EXOC6B: variants seen among roughly 807,000 people sequenced by gnomAD.
The protein encoded by EXOC6B is SEC15 homolog B.
EXOC6B carries 54 observed loss-of-function variants against 113.5 expected under a neutral mutation model. That is an observed-to-expected ratio of 0.48 (90% confidence interval 0.38 to 0.60). The LOEUF (loss-of-function observed/expected upper bound fraction) is 0.60. EXOC6B is among the 20% of genes least tolerant of loss of function. The probability of loss-of-function intolerance (pLI) is 0.00; values close to 1 mark genes in which losing one functional copy is unlikely to be tolerated. For missense variants in EXOC6B, 797 were observed against 977.5 expected (o/e 0.82, Z 2.46); for synonymous variants, 357 against 339.0 (o/e 1.05, Z -0.58).
chr2:72,332,140 CTCT>C (rs1416528563), intron 20 of EXOC6B, among the ~76,000 whole-genome samples: 1 of 151,976 alleles, frequency 6.6e-6, no homozygotes, highest in Non-Finnish European at 1.5e-5. Flanking sequence ...GGGGCAGATC[CTCT>C]TCTTACATGA....
At chr2:72,492,064 T>C (rs997807548) in intron 16 of EXOC6B, among the ~76,000 whole-genome samples, 54 of 152,268 alleles carry the variant, frequency 3.5e-4, no homozygotes, top group African/African-American at 1.2e-3. Context: ...CAGAAATGTA[T>C]TCTAACAACT....
chr2:72,780,073 G>A (rs1683934365), intron 1 of EXOC6B, among the ~76,000 whole-genome samples: 1 of 152,230 alleles, frequency 6.6e-6, no homozygotes, highest in South Asian at 2.1e-4. Flanking sequence ...TTCACACTGA[G>A]TTTCTGTCAC....
At chr2:72,502,442 T>A (rs148545229) in intron 11 of EXOC6B, among the ~76,000 whole-genome samples, 2 of 152,022 alleles carry the variant, frequency 1.3e-5, no homozygotes, top group Admixed American at 1.3e-4. Context: ...CAGCTACTCA[T>A]GAGGCTGAGG....
At chr2:72,582,409 C>T (rs1057502007) in intron 6 of EXOC6B, among the ~76,000 whole-genome samples, 1 of 152,014 alleles carries the variant, frequency 6.6e-6, no homozygotes, top group African/African-American at 2.4e-5. Flanking sequence ...CCCAGCTATT[C>T]TGGAGGCTGG....
At chr2:72,786,375 TCA>T (rs1219191281) in intron 1 of EXOC6B, among the ~76,000 whole-genome samples, 1 of 152,234 alleles carries the variant, frequency 6.6e-6, no homozygotes, top group Non-Finnish European at 1.5e-5. Flanking sequence ...ATACTGTATT[TCA>T]CACTGAGGAT....
At chr2:72,804,598 T>C (rs1257047998) in intron 1 of EXOC6B, among the ~76,000 whole-genome samples, 1 of 152,096 alleles carries the variant, frequency 6.6e-6, no homozygotes, top group Non-Finnish European at 1.5e-5. Flanking sequence ...TTAAACTTTT[T>C]TTTTTTAATT....
At chr2:72,455,011 A>T (rs1697132046) in intron 18 of EXOC6B, among the ~76,000 whole-genome samples, 1 of 152,200 alleles carries the variant, frequency 6.6e-6, no homozygotes, top group African/African-American at 2.4e-5. Context: ...ATCTCTTGAT[A>T]GGCAGAAAAA....
In EXOC6B at chr2:72,593,790, C is replaced by T. The variant is rs572262077; in HGVS notation, c.670-18122G>A. On this transcript the variant is annotated intron_variant, in intron 6 of 21. Coordinates refer to ENST00000272427, the MANE Select transcript of EXOC6B (RefSeq NM_015189.3). ...TAGAATATTACAAACAACTTTATGC[C>T]TATATATTCAACAACTTAGTTGAAA... is the stretch of plus-strand genomic sequence containing the variant. Among the ~76,000 whole-genome samples the T allele has an allele frequency of 1.3e-3, 194 of 152,092 alleles. 1 individual carries two copies. The highest frequency in any genetic ancestry group is 1.6e-3 in the Non-Finnish European group (112 of 68,014).
At chr2:72,254,273 A>G (rs1683209569) in intron 20 of EXOC6B, among the ~76,000 whole-genome samples, 4 of 152,240 alleles carry the variant, frequency 2.6e-5, no homozygotes, top group Non-Finnish European at 4.4e-5. Context: ...CCTGAACCCA[A>G]TGATGGGTAT....
intron 18 of EXOC6B, among the ~76,000 whole-genome samples, chr2:72,381,937 T>C (rs1691698543): frequency 2.0e-5 from 3 of 152,204 alleles, no homozygotes; most frequent in Non-Finnish European, 2.9e-5. Flanking sequence ...TCAAATCTTA[T>C]TTGTAGCATA....
chr2:72,308,087 TAAAG>T (rs1686994341), intron 20 of EXOC6B, among the ~76,000 whole-genome samples: 1 of 152,178 alleles, frequency 6.6e-6, no homozygotes, highest in South Asian at 2.1e-4. Context: ...ATTGAATAGG[TAAAG>T]AAATCTCTTC....
At chr2:72,779,392 T>A (rs12105464) in intron 1 of EXOC6B, among the ~76,000 whole-genome samples, 5,716 of 152,122 alleles carry the variant, frequency 0.038, 336 homozygotes, top group African/African-American at 0.13. Flanking sequence ...ACATTTGTTA[T>A]ACATACACAA....
intron 21 of EXOC6B, among the ~76,000 whole-genome samples, chr2:72,180,831 A>T (rs770231573): frequency 2.6e-5 from 4 of 152,228 alleles, no homozygotes; most frequent in Non-Finnish European, 4.4e-5. Flanking sequence ...TATATATTCC[A>T]TAAGGGCATT....
intron 1 of EXOC6B, among the ~76,000 whole-genome samples, chr2:72,793,333 C>T (rs891599076): frequency 2.0e-5 from 3 of 152,200 alleles, no homozygotes; most frequent in African/African-American, 7.2e-5. Context: ...TTCATACACA[C>T]TCTTTCCTAA....
rs537083330 is a variant in EXOC6B, at chr2:72,437,071, T to C, written c.1980+28089A>G. Among the ~76,000 whole-genome samples, 7 of 152,340 alleles carry C rather than the reference T, an allele frequency of 4.6e-5. No individual in the cohort carries two copies. The East Asian group carries it at 1.2e-3, about 25-fold the overall frequency. On this transcript the variant is annotated intron_variant, in intron 18 of 21. Transcript: ENST00000272427. ...CTTTTATCTTTGATGCTGATGACCT[T>C]TGCATGGGGTTTTTCTGTGGGTGTC...
Position 72,766,529 on chromosome 2 carries a change from T to C in EXOC6B, c.114-25060A>G, listed in dbSNP as rs376635024. On this transcript the variant is annotated intron_variant, in intron 1 of 21. Transcript: ENST00000272427. ...GAAAAAAGGAAAAGAACAAAACACA[T>C]GAGAAGATGGAGAATTTCACTACAG... Among the ~76,000 whole-genome samples, 12 of 152,130 alleles carry C rather than the reference T, an allele frequency of 7.9e-5. No individual in the cohort carries two copies. In the East Asian group the frequency reaches 9.7e-4, roughly 12 times the overall value.
At chr2:72,632,133 C>G (rs894878331) in intron 6 of EXOC6B, among the ~76,000 whole-genome samples, 7 of 151,948 alleles carry the variant, frequency 4.6e-5, no homozygotes, top group African/African-American at 1.7e-4. Context: ...GCACAACTTC[C>G]CAACAGAATA....
At chr2:72,488,440 C>G (rs1558722145) in intron 16 of EXOC6B, among the ~76,000 whole-genome samples, 2 of 152,216 alleles carry the variant, frequency 1.3e-5, no homozygotes, top group African/African-American at 2.4e-5. Flanking sequence ...CACTTCCAAT[C>G]TGCAAATTCA....
At chr2:72,536,385 T>C (rs1344642635) in intron 8 of EXOC6B, among the ~76,000 whole-genome samples, 3 of 152,210 alleles carry the variant, frequency 2.0e-5, no homozygotes, top group Non-Finnish European at 2.9e-5. Flanking sequence ...CTGAAATCTA[T>C]ATGTATATAT....
Sources: gnomAD v4.1 joint callset for allele counts (sites outside exome capture counted in the v4.1 genomes callset) on GRCh38, gnomAD v4.1.1 for gene constraint, MANE v1.5 for transcripts, NCBI Gene and HGNC (gene_info 2026-07-23, HGNC 2026-07-21) for gene names.